CEP128: variants seen among roughly 807,000 people sequenced by gnomAD.
The protein encoded by CEP128 is centrosomal protein 128.
CEP128 carries 132 observed loss-of-function variants against 156.7 expected under a neutral mutation model. The observed-to-expected ratio is 0.84, with a 90% CI of 0.73 to 0.97. CEP128 has a LOEUF of 0.97. CEP128 is among the 50% of genes least tolerant of loss of function. CEP128 has a pLI of 0.00. For synonymous variants in CEP128, 469 were observed against 448.9 expected (o/e 1.04, Z -0.57); for missense variants, 1,252 against 1,281.9 (o/e 0.98, Z 0.36).
intron 19 of CEP128, among the ~76,000 whole-genome samples, chr14:80,626,096 T>C (rs10147253): frequency 0.028 from 4,274 of 152,288 alleles, 214 homozygotes; most frequent in African/African-American, 0.097. Context: ...TTGCAGATTT[T>C]AAGGATCTTG....
chr14:80,788,291 T>TTC (rs1901522275), intron 14 of CEP128, among the ~76,000 whole-genome samples: 2 of 146,596 alleles, frequency 1.4e-5, no homozygotes, highest in Admixed American at 1.4e-4. Flanking sequence ...CCAGGATCTT[T>TTC]TTTTTTTTTT....
intron 8 of CEP128, among the ~76,000 whole-genome samples, chr14:80,875,522 C>T (rs535856559): frequency 6.4e-4 from 97 of 152,254 alleles, no homozygotes; most frequent in African/African-American, 2.1e-3. Context: ...GAAACAGACA[C>T]ATTGAAGATC....
chr14:80,830,127 C>G (rs1885707338), intron 13 of CEP128: 3 of 455,508 alleles, frequency 6.6e-6, no homozygotes, highest in Non-Finnish European at 7.9e-6. Context: ...ACCCATGAAG[C>G]AAACTTTAAA....
chr14:80,878,053 C>G (rs1888366793), intron 8 of CEP128, among the ~76,000 whole-genome samples: 1 of 152,152 alleles, frequency 6.6e-6, no homozygotes, highest in Non-Finnish European at 1.5e-5. Flanking sequence ...TGGCCTCCTA[C>G]ACACCAGAGA....
intron 2 of CEP128, among the ~76,000 whole-genome samples, chr14:80,924,601 G>T (rs1885047842): frequency 6.6e-6 from 1 of 152,136 alleles, no homozygotes; most frequent in Admixed American, 6.5e-5. Context: ...ACAGGTGGAT[G>T]AGACAAGGAA....
chr14:80,838,142 A>C (rs1202264459), intron 11 of CEP128, 62 bp downstream of exon 11: 2 of 1,174,816 alleles, frequency 1.7e-6, no homozygotes, highest in Admixed American at 4.0e-5. Flanking sequence ...AAGACATTTA[A>C]ATAGAGCTAC....
chr14:80,595,325 G>A (rs545424360), intron 19 of CEP128, among the ~76,000 whole-genome samples: 2 of 152,142 alleles, frequency 1.3e-5, no homozygotes, highest in African/African-American at 4.8e-5. Flanking sequence ...CTGTCAGGGG[G>A]TGGGAGGACT....
At chr14:80,530,666 A>C in intron 22 of CEP128, 143 bp downstream of exon 22, 2 of 461,172 alleles carry the variant, frequency 4.3e-6, no homozygotes, top group Non-Finnish European at 7.9e-6. Context: ...AATGTCAATA[A>C]ACCCTGATAA....
chr14:80,855,583 T>C (rs1887111604), intron 9 of CEP128, among the ~76,000 whole-genome samples: 2 of 151,802 alleles, frequency 1.3e-5, no homozygotes, highest in African/African-American at 2.4e-5. Context: ...AAAAGGGGCA[T>C]TGGTTATGGA....
chr14:80,568,518 G>T (rs8015643), intron 20 of CEP128, among the ~76,000 whole-genome samples: 24,181 of 152,026 alleles, frequency 0.16, 2,199 homozygotes, highest in East Asian at 0.19. Context: ...TATTCTTTCT[G>T]TGTGCTTCTG....
chr14:80,585,887 T>A (rs1039145586), intron 19 of CEP128, among the ~76,000 whole-genome samples: 4 of 151,904 alleles, frequency 2.6e-5, no homozygotes, highest in Non-Finnish European at 2.9e-5. Flanking sequence ...GATTCATAAT[T>A]TCATATAACA....
intron 2 of CEP128, among the ~76,000 whole-genome samples, chr14:80,936,724 A>C (rs1594868539): frequency 6.6e-6 from 1 of 152,212 alleles, no homozygotes; most frequent in Non-Finnish European, 1.5e-5. Flanking sequence ...GTTGTAAAAG[A>C]CTCAAAAGAT....
chr14:80,907,154 A>T (rs1339924281), intron 4 of CEP128, among the ~76,000 whole-genome samples: 7 of 152,206 alleles, frequency 4.6e-5, no homozygotes, highest in Non-Finnish European at 1.0e-4. Context: ...CAAATGAAGC[A>T]AACCCTTTTT....
At chr14:80,592,660 C>T (rs1595058353) in intron 19 of CEP128, among the ~76,000 whole-genome samples, 1 of 152,102 alleles carries the variant, frequency 6.6e-6, no homozygotes, top group African/African-American at 2.4e-5. Flanking sequence ...GAGGCCAGCA[C>T]CATCCTGATA....
chr14:80,697,906 T>C (rs997135760), intron 19 of CEP128, among the ~76,000 whole-genome samples: 3 of 151,960 alleles, frequency 2.0e-5, no homozygotes, highest in Non-Finnish European at 4.4e-5. Context: ...TGCACACATA[T>C]ATATAGATAC....
chr14:80,837,321 T>A (rs184870733), intron 11 of CEP128, among the ~76,000 whole-genome samples: 4 of 152,326 alleles, frequency 2.6e-5, no homozygotes, highest in Non-Finnish European at 5.9e-5. Context: ...TATGCCCTTA[T>A]CCAATGTATG....
chr14:80,949,581 G>A (rs989333678), intron 2 of CEP128, among the ~76,000 whole-genome samples: 3 of 152,116 alleles, frequency 2.0e-5, no homozygotes, highest in African/African-American at 4.8e-5. Context: ...TGGAACACTG[G>A]CTAGAGTAAT....
intron 6 of CEP128, among the ~76,000 whole-genome samples, chr14:80,491,117 C>A (rs934814400): frequency 6.6e-5 from 10 of 152,214 alleles, no homozygotes; most frequent in African/African-American, 2.4e-4. Flanking sequence ...TCAGTGGAAT[C>A]TAATCCATGA....
intron 8 of CEP128, among the ~76,000 whole-genome samples, chr14:80,874,376 A>C (rs1224929622): frequency 1.3e-5 from 2 of 152,002 alleles, no homozygotes; most frequent in African/African-American, 4.8e-5. Context: ...ACGCAGGAGA[A>C]TCACTTGAAT....
Sources: gnomAD v4.1 joint callset for allele counts (sites outside exome capture counted in the v4.1 genomes callset) on GRCh38, gnomAD v4.1.1 for gene constraint, MANE v1.5 for transcripts, NCBI Gene and HGNC (gene_info 2026-07-23, HGNC 2026-07-21) for gene names.